Variants in TAS2R1 observed in about 807,000 individuals in gnomAD.
TAS2R1 encodes taste 2 receptor member 1, also known as taste receptor type 2 member 1.
For missense variants in TAS2R1, 370 were observed against 353.4 expected (o/e 1.05, Z -0.38); for synonymous variants, 141 against 134.2 (o/e 1.05, Z -0.35).
intron 1 of TAS2R1, among the ~76,000 whole-genome samples, chr5:9,689,172 A>G (rs1221599192): frequency 1.3e-5 from 2 of 152,076 alleles, no homozygotes; most frequent in Non-Finnish European, 2.9e-5. Context: ...CACTCACTCC[A>G]TCTATCTTCC....
At chr5:9,788,391 A>G in the TAS2R1 span, among the ~76,000 whole-genome samples, 3 of 152,124 alleles carry the variant, frequency 2.0e-5, no homozygotes, top group Non-Finnish European at 4.4e-5. Flanking sequence ...GTCTCTATCC[A>G]TTGCTTCTGC....
At chr5:9,857,644 T>A in the TAS2R1 span, among the ~76,000 whole-genome samples, 1 of 152,220 alleles carries the variant, frequency 6.6e-6, no homozygotes, top group Non-Finnish European at 1.5e-5. Flanking sequence ...AGTTTGTATA[T>A]CTCCATGTCT....
At chr5:9,886,359 G>A in the TAS2R1 span, among the ~76,000 whole-genome samples, 2 of 105,392 alleles carry the variant, frequency 1.9e-5, no homozygotes, top group African/African-American at 7.2e-5. Flanking sequence ...TTTTTGAGAC[G>A]AGTCTCACTC....
At chr5:9,705,364 G>A (rs1194131968) in intron 1 of TAS2R1, among the ~76,000 whole-genome samples, 1 of 152,176 alleles carries the variant, frequency 6.6e-6, no homozygotes. Flanking sequence ...GAGCATGCAT[G>A]TATTGCTTTC....
the TAS2R1 span, among the ~76,000 whole-genome samples, chr5:9,765,156 C>T: frequency 2.7e-3 from 416 of 152,174 alleles, 4 homozygotes; most frequent in African/African-American, 9.1e-3. Context: ...AACAAAACAA[C>T]ATTAAAATTT....
intron 1 of TAS2R1, among the ~76,000 whole-genome samples, chr5:9,661,436 C>T (rs1041382357): frequency 6.6e-6 from 1 of 152,126 alleles, no homozygotes; most frequent in Non-Finnish European, 1.5e-5. Context: ...TCTTTTCTGA[C>T]ATTAAAGGTG....
At chr5:9,846,991 T>C in the TAS2R1 span, among the ~76,000 whole-genome samples, 1 of 152,234 alleles carries the variant, frequency 6.6e-6, no homozygotes, top group African/African-American at 2.4e-5. Flanking sequence ...AGTTACCTCA[T>C]TAACTCCCAT....
the TAS2R1 span, among the ~76,000 whole-genome samples, chr5:9,801,598 G>T: frequency 6.6e-6 from 1 of 152,220 alleles, no homozygotes; most frequent in South Asian, 2.1e-4. Flanking sequence ...GAGTCTGCTT[G>T]CTTTTTCAAG....
intron 1 of TAS2R1, among the ~76,000 whole-genome samples, chr5:9,701,046 T>C (rs1170836278): frequency 2.0e-5 from 3 of 151,464 alleles, no homozygotes; most frequent in African/African-American, 7.3e-5. Flanking sequence ...CTCAAAAAAA[T>C]GATGGAGTTG....
At chr5:9,873,129 C>G in the TAS2R1 span, among the ~76,000 whole-genome samples, 2 of 152,170 alleles carry the variant, frequency 1.3e-5, no homozygotes, top group Non-Finnish European at 2.9e-5. Flanking sequence ...TGAGTTTAAA[C>G]CTAACCAGTG....
chr5:9,671,941 A>C (rs1322130707), intron 1 of TAS2R1, among the ~76,000 whole-genome samples: 1 of 152,186 alleles, frequency 6.6e-6, no homozygotes, highest in Non-Finnish European at 1.5e-5. Flanking sequence ...TACCAGTACA[A>C]AAACAGGCAC....
intron 1 of TAS2R1, among the ~76,000 whole-genome samples, chr5:9,676,162 C>T (rs1007508671): frequency 6.6e-6 from 1 of 152,098 alleles, no homozygotes; most frequent in Non-Finnish European, 1.5e-5. Flanking sequence ...AATTGATTTG[C>T]ATACATTGAA....
At chr5:9,712,692 G>A (rs757551851), upstream of TAS2R1, among the ~76,000 whole-genome samples, 6 of 152,180 alleles carry the variant, frequency 3.9e-5, no homozygotes, top group Admixed American at 6.5e-5. Flanking sequence ...CACATCATGT[G>A]AGTCAACTCT....
chr5:9,673,079 G>A (rs1740801609), intron 1 of TAS2R1, among the ~76,000 whole-genome samples: 1 of 152,122 alleles, frequency 6.6e-6, no homozygotes, highest in African/African-American at 2.4e-5. Flanking sequence ...TTTATAAGTG[G>A]GAGCTAAACA....
At chr5:9,674,305 T>C (rs2126505110) in intron 1 of TAS2R1, among the ~76,000 whole-genome samples, 1 of 152,272 alleles carries the variant, frequency 6.6e-6, no homozygotes, top group South Asian at 2.1e-4. Flanking sequence ...TAAAAAGATA[T>C]GCAGGATATT....
chr5:9,859,472 G>A, the TAS2R1 span, among the ~76,000 whole-genome samples: 20 of 152,128 alleles, frequency 1.3e-4, no homozygotes, highest in Non-Finnish European at 2.6e-4. Flanking sequence ...TTCCTTCTAA[G>A]GTGCATTTTG....
At chr5:9,672,946 A>C (rs907528041) in intron 1 of TAS2R1, among the ~76,000 whole-genome samples, 5 of 152,216 alleles carry the variant, frequency 3.3e-5, no homozygotes, top group Non-Finnish European at 7.4e-5. Context: ...CATATACACC[A>C]TGGAATACTA....
At chr5:9,722,637 T>C in the TAS2R1 span, among the ~76,000 whole-genome samples, 8 of 152,252 alleles carry the variant, frequency 5.3e-5, no homozygotes, top group African/African-American at 1.9e-4. Flanking sequence ...TTTTTACTTG[T>C]ATTCAGTAGC....
At chr5:9,870,717 G>C in the TAS2R1 span, among the ~76,000 whole-genome samples, 1 of 152,186 alleles carries the variant, frequency 6.6e-6, no homozygotes, top group Non-Finnish European at 1.5e-5. Flanking sequence ...CCCCAAAAGG[G>C]TAAGTAGTCC....
Sources: gnomAD v4.1 joint callset for allele counts (sites outside exome capture counted in the v4.1 genomes callset) on GRCh38, gnomAD v4.1.1 for gene constraint, MANE v1.5 for transcripts, NCBI Gene and HGNC (gene_info 2026-07-23, HGNC 2026-07-21) for gene names.